The following SLC35D4 variants were observed in gnomAD, a reference collection of about 807,000 sequenced individuals.
SLC35D4 encodes the protein UDP-N-acetylglucosamine transporter SLC35D4.
At chr18:23,358,595 C>T in the SLC35D4 span, among the ~76,000 whole-genome samples, 1 of 152,174 alleles carries the variant, frequency 6.6e-6, no homozygotes, top group East Asian at 1.9e-4. Context: ...TTCTCACACA[C>T]CACTTAGCTG....
the SLC35D4 span, among the ~76,000 whole-genome samples, chr18:23,364,929 A>G: frequency 0.016 from 74 of 4,706 alleles, 13 homozygotes; most frequent in African/African-American, 0.028. Context: ...AAAAAAAAAA[A>G]AAAAGGACTC....
the SLC35D4 span, among the ~76,000 whole-genome samples, chr18:23,307,188 G>A: frequency 6.6e-6 from 1 of 152,240 alleles, no homozygotes; most frequent in Non-Finnish European, 1.5e-5. Flanking sequence ...TGAAGGATGA[G>A]CGACTTTCGC....
the SLC35D4 span, among the ~76,000 whole-genome samples, chr18:23,369,998 T>C: frequency 9.9e-5 from 15 of 152,062 alleles, no homozygotes; most frequent in African/African-American, 3.1e-4. Flanking sequence ...CTGACTAACA[T>C]GGAGAAACCC....
At chr18:23,391,526 T>C in the SLC35D4 span, among the ~76,000 whole-genome samples, 5 of 152,198 alleles carry the variant, frequency 3.3e-5, no homozygotes, top group Non-Finnish European at 7.3e-5. Context: ...TTAAGTTGAC[T>C]TTTTTTGCTA....
the SLC35D4 span, among the ~76,000 whole-genome samples, chr18:23,414,609 G>A: frequency 1.3e-5 from 2 of 151,608 alleles, no homozygotes; most frequent in East Asian, 3.9e-4. Context: ...GCAGGCAGAG[G>A]TTGCAATGAG....
the SLC35D4 span, among the ~76,000 whole-genome samples, chr18:23,428,745 T>C: frequency 6.6e-6 from 1 of 151,966 alleles, no homozygotes; most frequent in Non-Finnish European, 1.5e-5. Context: ...ACAGGTACAT[T>C]GCGTGATGCT....
chr18:23,308,516 C>A, the SLC35D4 span, among the ~76,000 whole-genome samples: 1 of 152,064 alleles, frequency 6.6e-6, no homozygotes, highest in East Asian at 1.9e-4. Flanking sequence ...ATCCTAGACT[C>A]CCCTCTCTCA....
the SLC35D4 span, among the ~76,000 whole-genome samples, chr18:23,334,533 T>C: frequency 9.2e-5 from 14 of 152,364 alleles, no homozygotes; most frequent in African/African-American, 3.4e-4. Flanking sequence ...TCTTGTTGCA[T>C]ACTTGACTAA....
At chr18:23,360,012 C>T in the SLC35D4 span, among the ~76,000 whole-genome samples, 66 of 152,292 alleles carry the variant, frequency 4.3e-4, no homozygotes, top group Middle Eastern at 3.4e-3. Flanking sequence ...CCGCTGCCAG[C>T]GCACTCCAAA....
chr18:23,275,323 A>C, the SLC35D4 span, among the ~76,000 whole-genome samples: 1 of 152,098 alleles, frequency 6.6e-6, no homozygotes, highest in Admixed American at 6.5e-5. Flanking sequence ...AGCTTACCTC[A>C]AGCCAGAGCC....
At chr18:23,332,205 A>G in the SLC35D4 span, among the ~76,000 whole-genome samples, 1 of 151,790 alleles carries the variant, frequency 6.6e-6, no homozygotes, top group African/African-American at 2.4e-5. Context: ...TTGAACATGT[A>G]TTTTTTTTAA....
chr18:23,357,585 G>T, the SLC35D4 span, among the ~76,000 whole-genome samples: 1 of 152,334 alleles, frequency 6.6e-6, no homozygotes, highest in South Asian at 2.1e-4. Flanking sequence ...GGGGGAGAGG[G>T]CTGATTTTCC....
the SLC35D4 span, among the ~76,000 whole-genome samples, chr18:23,353,004 C>T: frequency 2.0e-5 from 3 of 151,086 alleles, no homozygotes; most frequent in Non-Finnish European, 2.9e-5. Flanking sequence ...GTGGCCAAGG[C>T]CAAAGCAAAG....
chr18:23,252,931 A>G, the SLC35D4 span: 1 of 1,428,968 alleles, frequency 7.0e-7, no homozygotes, highest in Non-Finnish European at 9.9e-7. Flanking sequence ...TGTTTTAAGG[A>G]GTGATCCGTG....
chr18:23,388,636 A>G, the SLC35D4 span, among the ~76,000 whole-genome samples: 30 of 152,352 alleles, frequency 2.0e-4, no homozygotes, highest in Admixed American at 2.0e-4. Context: ...TTCTCCAGTA[A>G]TAAACCTGCT....
chr18:23,264,353 CTTTTTTTTTTTTTTTTT>C, the SLC35D4 span, among the ~76,000 whole-genome samples: 2 of 56,066 alleles, frequency 3.6e-5, no homozygotes, highest in East Asian at 6.6e-4. Flanking sequence ...CACTTTATTC[CTTTTTTTTTTTTTTTTT>C]TTTTTTTTTT....
the SLC35D4 span, among the ~76,000 whole-genome samples, chr18:23,275,075 T>A: frequency 6.8e-6 from 1 of 147,998 alleles, no homozygotes; most frequent in African/African-American, 2.6e-5. Flanking sequence ...TGCTTGTGTG[T>A]GTGTGTGCTT....
chr18:23,403,033 G>A, the SLC35D4 span, among the ~76,000 whole-genome samples: 14 of 152,290 alleles, frequency 9.2e-5, no homozygotes. Context: ...TTGGATCTGG[G>A]AGGTGGAGGT....
chr18:23,290,220 A>T, the SLC35D4 span, among the ~76,000 whole-genome samples: 1 of 152,166 alleles, frequency 6.6e-6, no homozygotes, highest in Admixed American at 6.5e-5. Flanking sequence ...GAAATTAACC[A>T]TGGGGTCTGT....
Sources: gnomAD v4.1 joint callset for allele counts (sites outside exome capture counted in the v4.1 genomes callset) on GRCh38, gnomAD v4.1.1 for gene constraint, MANE v1.5 for transcripts, NCBI Gene and HGNC (gene_info 2026-07-23, HGNC 2026-07-21) for gene names.